PDSS2: variants seen among roughly 807,000 people sequenced by gnomAD.
The protein encoded by PDSS2 is all trans-polyprenyl-diphosphate synthase PDSS2.
In PDSS2, 31 loss-of-function variants were observed where a neutral mutation model predicts 44.5. That is an observed-to-expected ratio of 0.70 (90% confidence interval 0.52 to 0.94). The LOEUF (loss-of-function observed/expected upper bound fraction) is 0.94. Among genes scored for constraint, PDSS2 ranks in the 40% least tolerant of loss-of-function variants. The probability of loss-of-function intolerance (pLI) is 0.00; values close to 1 mark genes in which losing one functional copy is unlikely to be tolerated. For synonymous variants in PDSS2, 157 were observed against 180.3 expected (o/e 0.87, Z 1.03); for missense variants, 452 against 482.2 (o/e 0.94, Z 0.59).
At chr6:107,280,952 C>T (rs1318508348) in intron 2 of PDSS2, among the ~76,000 whole-genome samples, 1 of 152,172 alleles carries the variant, frequency 6.6e-6, no homozygotes, top group Non-Finnish European at 1.5e-5. Flanking sequence ...AACCTTACCT[C>T]CTCATGATCC....
chr6:107,399,611 A>T (rs1038529971), intron 1 of PDSS2, among the ~76,000 whole-genome samples: 4 of 152,196 alleles, frequency 2.6e-5, no homozygotes, highest in African/African-American at 9.6e-5. Flanking sequence ...GAAAAATAGT[A>T]ATGTGCTATT....
At chr6:107,379,485 A>T (rs566111977) in intron 1 of PDSS2, among the ~76,000 whole-genome samples, 2 of 152,200 alleles carry the variant, frequency 1.3e-5, no homozygotes, top group Admixed American at 6.5e-5. Context: ...GTCTTATCTT[A>T]TACTGAGAGT....
intron 1 of PDSS2, among the ~76,000 whole-genome samples, chr6:107,342,348 T>C (rs73513118): frequency 0.028 from 4,191 of 152,298 alleles, 216 homozygotes; most frequent in African/African-American, 0.095. Context: ...CATTCAGCTC[T>C]GACTGGTTCC....
At chr6:107,187,059 T>C (rs1772195151) in intron 7 of PDSS2, among the ~76,000 whole-genome samples, 2 of 151,418 alleles carry the variant, frequency 1.3e-5, no homozygotes, top group Non-Finnish European at 2.9e-5. Context: ...CAGGGAGGAG[T>C]AGACTTTAGG....
chr6:107,437,047 A>T (rs138494265), intron 1 of PDSS2, among the ~76,000 whole-genome samples: 2 of 151,726 alleles, frequency 1.3e-5, no homozygotes, highest in East Asian at 3.9e-4. Flanking sequence ...CTCAGGCTGG[A>T]GGAGTGCAGT....
In PDSS2 at chr6:107,259,438, G is replaced by A. The variant is rs545177430; in HGVS notation, c.631-13819C>T. On this transcript the variant is annotated intron_variant, in intron 3 of 7. Transcript: ENST00000369037. Reference sequence around the variant, plus strand: ...AGCATTTTGGGAGGCCAAGGTGGGCGGATCACCTGAGGTCAGGAGTTCAAG... The same window carrying A: ...AGCATTTTGGGAGGCCAAGGTGGGCAGATCACCTGAGGTCAGGAGTTCAAG... Among the ~76,000 whole-genome samples the A allele has an allele frequency of 2.0e-5, 3 of 152,030 alleles. No individual in the cohort carries two copies. In the South Asian group the frequency reaches 6.2e-4, roughly 32 times the overall value.
chr6:107,418,981 T>C (rs568895997), intron 1 of PDSS2, among the ~76,000 whole-genome samples: 4 of 152,074 alleles, frequency 2.6e-5, no homozygotes, highest in Non-Finnish European at 4.4e-5. Context: ...TGAAAACATA[T>C]TTTGCTTCAG....
chr6:107,242,530 C>G (rs1774475068), intron 4 of PDSS2, among the ~76,000 whole-genome samples: 1 of 151,702 alleles, frequency 6.6e-6, no homozygotes. Context: ...AGGCGTGAGC[C>G]ACCACGCCTG....
At chr6:107,339,838 A>G (rs1447938678) in intron 1 of PDSS2, among the ~76,000 whole-genome samples, 1 of 152,202 alleles carries the variant, frequency 6.6e-6, no homozygotes, top group Non-Finnish European at 1.5e-5. Context: ...TGAACAGACC[A>G]TAAGAGGTTT....
chr6:107,232,451 TCCC>T (rs1336910779), intron 4 of PDSS2, among the ~76,000 whole-genome samples: 1 of 152,120 alleles, frequency 6.6e-6, no homozygotes, highest in Non-Finnish European at 1.5e-5. Flanking sequence ...GAATGTTTTT[TCCC>T]CCCAACATAG....
At chr6:107,282,324 CAGTT>C (rs1351116193) in intron 2 of PDSS2, among the ~76,000 whole-genome samples, 1 of 152,182 alleles carries the variant, frequency 6.6e-6, no homozygotes, top group Non-Finnish European at 1.5e-5. Context: ...CCCCAGAGGT[CAGTT>C]AGTCTCTATG....
intron 4 of PDSS2, among the ~76,000 whole-genome samples, chr6:107,214,954 A>G (rs1173740237): frequency 1.3e-5 from 2 of 152,226 alleles, no homozygotes; most frequent in Non-Finnish European, 2.9e-5. Flanking sequence ...ACAACAAAAA[A>G]AATTCCACTT....
chr6:107,317,959 A>G (rs1394602755), intron 2 of PDSS2, among the ~76,000 whole-genome samples: 2 of 152,110 alleles, frequency 1.3e-5, no homozygotes, highest in Non-Finnish European at 2.9e-5. Context: ...CCCCCAGATA[A>G]AGTAACATCT....
intron 4 of PDSS2, among the ~76,000 whole-genome samples, chr6:107,218,101 C>A (rs1773475449): frequency 6.6e-6 from 1 of 152,214 alleles, no homozygotes; most frequent in African/African-American, 2.4e-5. Flanking sequence ...CCAACCTTCT[C>A]TCTGTTCTTC....
chr6:107,192,013 T>C (rs1772398624), intron 7 of PDSS2, among the ~76,000 whole-genome samples: 1 of 152,204 alleles, frequency 6.6e-6, no homozygotes, highest in South Asian at 2.1e-4. Flanking sequence ...ACTCTACTTT[T>C]CACTCACTTT....
intron 1 of PDSS2, among the ~76,000 whole-genome samples, chr6:107,404,425 C>T (rs1490560935): frequency 6.6e-6 from 1 of 152,160 alleles, no homozygotes; most frequent in Non-Finnish European, 1.5e-5. Flanking sequence ...TCCTTCTACC[C>T]AGTACCAATT....
At chr6:107,298,016 A>G (rs1399050873) in intron 2 of PDSS2, among the ~76,000 whole-genome samples, 2 of 152,236 alleles carry the variant, frequency 1.3e-5, no homozygotes, top group Admixed American at 6.5e-5. Flanking sequence ...AAGTCCTGAG[A>G]TTACAGGTGT....
chr6:107,396,680 T>TTTC (rs1779956342), intron 1 of PDSS2, among the ~76,000 whole-genome samples: 2 of 118,488 alleles, frequency 1.7e-5, no homozygotes, highest in African/African-American at 5.9e-5. Flanking sequence ...TCTTTTTTCT[T>TTTC]TTTTTTTTTT....
chr6:107,445,252 T>C (rs944294006), intron 1 of PDSS2, among the ~76,000 whole-genome samples: 2 of 152,008 alleles, frequency 1.3e-5, no homozygotes, highest in Admixed American at 1.3e-4. Flanking sequence ...AATAAAACCA[T>C]TGGGTAGAGG....
Sources: gnomAD v4.1 joint callset for allele counts (sites outside exome capture counted in the v4.1 genomes callset) on GRCh38, gnomAD v4.1.1 for gene constraint, MANE v1.5 for transcripts, NCBI Gene and HGNC (gene_info 2026-07-23, HGNC 2026-07-21) for gene names.